The following ERCC8 variants were observed in gnomAD, a reference collection of about 807,000 sequenced individuals.
ERCC8 encodes the protein DNA excision repair protein ERCC-8.
Under a neutral mutation model 54.9 loss-of-function variants are expected in ERCC8, and 52 were observed. The ratio of observed to expected loss-of-function variants is 0.95; its 90% CI spans 0.76 to 1.19. The LOEUF is 1.19. ERCC8 is among the 50% of genes most tolerant of loss of function. The probability of loss-of-function intolerance (pLI) is 0.00; values close to 1 mark genes in which losing one functional copy is unlikely to be tolerated. For synonymous variants in ERCC8, 146 were observed against 157.2 expected, an observed-to-expected ratio of 0.93 and a Z score of 0.53; for missense variants, 514 against 466.1, an observed-to-expected ratio of 1.10 and a Z score of -0.95.
At chr5:60,935,043 T>C (rs962677509) in intron 1 of ERCC8, among the ~76,000 whole-genome samples, 12 of 152,226 alleles carry the variant, frequency 7.9e-5, no homozygotes, top group African/African-American at 2.9e-4. Context: ...GTTTTGGCTA[T>C]GCAGGCTCTT....
At position 60,897,440 on chromosome 5, in the gene ERCC8, G is replaced by C. The variant is rs184196708; in HGVS notation, c.843+836C>G. Among the ~76,000 whole-genome samples, 432 of 152,238 alleles carry C rather than the reference G, an allele frequency of 2.8e-3. 6 individuals carry two copies. The highest frequency in any genetic ancestry group is 0.026 in the Admixed American group (403 of 15,282). Reference sequence around the variant, plus strand: ...GCCAACTGCTGTCTAATACTGCCTGGCAAATTAAATGCTAATTATTATTAG... The same window carrying C: ...GCCAACTGCTGTCTAATACTGCCTGCCAAATTAAATGCTAATTATTATTAG... On this transcript the variant is annotated intron_variant, in intron 9 of 11. Coordinates refer to ENST00000676185, the MANE Select transcript of ERCC8 (RefSeq NM_000082.4).
intron 7 of ERCC8, 22 bp from the exon 8 acceptor site, chr5:60,899,749 A>G: frequency 6.5e-7 from 1 of 1,546,666 alleles, no homozygotes; most frequent in Non-Finnish European, 8.9e-7. Flanking sequence ...TAAATGTTAC[A>G]TTGACATATG....
intron 1 of ERCC8, 101 bp downstream of exon 1, chr5:60,944,831 G>A: frequency 1.1e-6 from 1 of 877,620 alleles, no homozygotes; most frequent in Admixed American, 1.8e-5. Context: ...TAATAGTTTG[G>A]TGGCAGGAGA....
intron 7 of ERCC8, among the ~76,000 whole-genome samples, chr5:60,901,100 G>T (rs1748892260): frequency 6.6e-6 from 1 of 151,614 alleles, no homozygotes; most frequent in Admixed American, 6.6e-5. Context: ...AAATTAATAT[G>T]AATAGCTTTC....
intron 4 of ERCC8, among the ~76,000 whole-genome samples, chr5:60,905,390 T>C (rs1749042549): frequency 6.6e-6 from 1 of 152,192 alleles, no homozygotes; most frequent in Non-Finnish European, 1.5e-5. Context: ...GTTCCTTTCA[T>C]CTACTTCTCT....
chr5:60,904,528 C>T (rs1343732596), intron 5 of ERCC8, among the ~76,000 whole-genome samples: 4 of 150,282 alleles, frequency 2.7e-5, no homozygotes, highest in African/African-American at 7.3e-5. Flanking sequence ...GACAGAAATA[C>T]GCTCTTATTC....
intron 11 of ERCC8, among the ~76,000 whole-genome samples, chr5:60,881,632 G>T (rs1748229888): frequency 6.6e-6 from 1 of 152,202 alleles, no homozygotes; most frequent in Non-Finnish European, 1.5e-5. Context: ...AATGGGCGAG[G>T]CTCTGTGGGC....
chr5:60,916,182 ATC>A (rs1021867906), intron 4 of ERCC8, among the ~76,000 whole-genome samples: 2 of 152,032 alleles, frequency 1.3e-5, no homozygotes, highest in African/African-American at 4.8e-5. Context: ...ATTTCTCTGC[ATC>A]TCTCTTCTTT....
intron 3 of ERCC8, chr5:60,919,353 G>C (rs572421165): frequency 2.6e-4 from 40 of 152,060 alleles, no homozygotes; most frequent in African/African-American, 8.2e-4. Flanking sequence ...CTCCAATCTT[G>C]TATATGTTTG....
chr5:60,892,891 G>T, intron 9 of ERCC8: 1 of 716,988 alleles, frequency 1.4e-6, no homozygotes, highest in South Asian at 1.5e-5. Context: ...ATATTGGGAA[G>T]GCCTACAATG....
chr5:60,920,788 G>A (rs1173617318), intron 3 of ERCC8, among the ~76,000 whole-genome samples: 1 of 151,722 alleles, frequency 6.6e-6, no homozygotes, highest in Non-Finnish European at 1.5e-5. Flanking sequence ...CCAAAACAAA[G>A]CAAATCACAG....
At chr5:60,905,502 C>T (rs935423605) in intron 4 of ERCC8, among the ~76,000 whole-genome samples, 5 of 152,154 alleles carry the variant, frequency 3.3e-5, no homozygotes, top group African/African-American at 1.2e-4. Context: ...AAGACTTCAC[C>T]CTGGGTGACC....
rs76133371 is a variant in ERCC8, at chr5:60,871,082, C to T, written c.*3533G>A. On this transcript the variant is annotated 3_prime_UTR_variant, in exon 12 of 12. Coordinates refer to ENST00000676185, the MANE Select transcript of ERCC8 (RefSeq NM_000082.4). ...AACAAAAGGACTACAACCCAAAAATCGTATACCCAGCTAAACTATCATTTC... is the reference window on the plus strand; with the variant it reads ...AACAAAAGGACTACAACCCAAAAATTGTATACCCAGCTAAACTATCATTTC... Among the ~76,000 whole-genome samples the T allele has an allele frequency of 0.024, 3,650 of 152,162 alleles. 61 individuals are homozygous for T. The highest frequency in any genetic ancestry group is 0.037 in the Non-Finnish European group (2,537 of 68,008).
chr5:60,899,300 AT>A (rs1347967927), intron 8 of ERCC8, among the ~76,000 whole-genome samples: 2 of 151,968 alleles, frequency 1.3e-5, no homozygotes, highest in South Asian at 4.1e-4. Context: ...TATTTCTGTA[AT>A]TTATTGTGAC....
intron 1 of ERCC8, among the ~76,000 whole-genome samples, chr5:60,934,025 G>A (rs1019993285): frequency 2.6e-5 from 4 of 152,078 alleles, no homozygotes; most frequent in East Asian, 1.9e-4. Flanking sequence ...TTGCACTTGC[G>A]AATTGTGCTG....
intron 4 of ERCC8, among the ~76,000 whole-genome samples, chr5:60,915,988 G>C (rs1036864504): frequency 1.3e-5 from 2 of 151,798 alleles, no homozygotes; most frequent in Non-Finnish European, 1.5e-5. Context: ...TAAGAGCCTG[G>C]GTGTTTTCCT....
At chr5:60,928,711 T>A (rs1749820753) in intron 2 of ERCC8, among the ~76,000 whole-genome samples, 153 bp downstream of exon 2, 1 of 152,210 alleles carries the variant, frequency 6.6e-6, no homozygotes, top group African/African-American at 2.4e-5. Context: ...ATGTTTTGTA[T>A]TTACTTGAAA....
In ERCC8 at chr5:60,922,168, A is replaced by C; in HGVS notation, c.174-13T>G. The C allele has an allele frequency of 2.0e-6, 3 of 1,514,786 alleles. No homozygotes were observed. The highest frequency in any genetic ancestry group is 2.7e-6 in the Non-Finnish European group (3 of 1,092,130). 93.8% of individuals were successfully genotyped at this position (1,514,786 alleles called of 1,614,324 possible). On this transcript the variant is annotated splice_polypyrimidine_tract_variant and intron_variant, in intron 2 of 11. Coordinates refer to ENST00000676185, the MANE Select transcript of ERCC8 (RefSeq NM_000082.4). ...ACCTGATAACATGCTGATAATAAAA[A>C]AGTTCACATTAATTTATCATTTTAT...
intron 4 of ERCC8, among the ~76,000 whole-genome samples, chr5:60,910,125 A>G (rs566125218): frequency 6.6e-6 from 1 of 152,194 alleles, no homozygotes; most frequent in Non-Finnish European, 1.5e-5. Context: ...TAGATTTTCA[A>G]CTGTGATGGG....
Sources: allele counts gnomAD v4.1 joint callset (sites outside exome capture counted in the v4.1 genomes callset), GRCh38; gene constraint gnomAD v4.1.1; transcripts MANE v1.5; gene names NCBI Gene and HGNC (gene_info 2026-07-23, HGNC 2026-07-21).